Variants in SGCD observed in about 807,000 individuals in gnomAD.
SGCD encodes sarcoglycan delta.
SGCD carries 18 observed loss-of-function variants against 36.6 expected under a neutral mutation model. The ratio of observed to expected loss-of-function variants is 0.49; its 90% confidence interval spans 0.34 to 0.73. SGCD has a LOEUF of 0.73. Ranked by LOEUF, SGCD falls within the 30% of genes least tolerant of loss-of-function variation. The pLI, the probability that SGCD is intolerant of heterozygous loss-of-function variation, is 0.01. For missense variants in SGCD, 387 were observed against 346.7 expected (o/e 1.12, Z -0.92); for synonymous variants, 133 against 130.6 (o/e 1.02, Z -0.12).
At chr5:156,428,028 T>C (rs549683388) in intron 3 of SGCD, among the ~76,000 whole-genome samples, 1 of 152,170 alleles carries the variant, frequency 6.6e-6, no homozygotes, top group East Asian at 1.9e-4. Flanking sequence ...TGGTTTTAAT[T>C]TTAAGGTGAT....
rs540725938 is a variant in SGCD at position 156,131,059 on chromosome 5, G to A, written c.-44+7040G>A. Reference sequence around the variant, plus strand: ...TCTGTATTTTTCTAATAATTATGGTGACATTAAAGTTAATAGCAAATATTA... The same window carrying A: ...TCTGTATTTTTCTAATAATTATGGTAACATTAAAGTTAATAGCAAATATTA... On this transcript the variant is annotated intron_variant, in intron 3 of 9. Transcript: ENST00000517913. Among the ~76,000 whole-genome samples, 11 of 152,236 alleles carry A rather than the reference G, an allele frequency of 7.2e-5. No homozygotes were observed. The East Asian group carries it at 2.1e-3, about 29-fold the overall frequency.
At chr5:156,493,215 T>C (rs1237033572) in intron 3 of SGCD, among the ~76,000 whole-genome samples, 1 of 152,148 alleles carries the variant, frequency 6.6e-6, no homozygotes, top group Admixed American at 6.5e-5. Context: ...ATCAAGCTAA[T>C]TAACATATCT....
the SGCD span, among the ~76,000 whole-genome samples, chr5:155,848,901 T>C: frequency 6.6e-6 from 1 of 152,214 alleles, no homozygotes; most frequent in African/African-American, 2.4e-5. Context: ...ATATATTCGG[T>C]AAATAATGAA....
rs145821042 is a variant in SGCD, at chr5:156,092,269, G to A, written c.-281-25609G>A. Among the ~76,000 whole-genome samples, 431 of 152,276 alleles carry A rather than the reference G, an allele frequency of 2.8e-3. 1 individual carries two copies. Among genetic ancestry groups the A allele is most frequent in the African/African-American group, 0.01 (421 of 41,562 alleles). On this transcript the variant is annotated intron_variant, in intron 1 of 9. Transcript: ENST00000517913. ...TTTGATGGCCAACTTTCTGTCAGTC[G>A]TTAGGCTCCTTTTGCCCTGCTTCAA...
chr5:156,639,606 C>T (rs32061), intron 6 of SGCD, among the ~76,000 whole-genome samples: 12,483 of 152,238 alleles, frequency 0.082, 679 homozygotes, highest in Non-Finnish European at 0.12. Flanking sequence ...TTCATTTCTT[C>T]ACCTTTTGCC....
intron 4 of SGCD, among the ~76,000 whole-genome samples, chr5:156,567,560 C>T (rs1738993896): frequency 6.6e-6 from 1 of 152,068 alleles, no homozygotes. Flanking sequence ...TTTCCTTTTG[C>T]CCAGGGAAGG....
Position 156,382,379 on chromosome 5 carries a change from C to T in SGCD, c.192+37702C>T, listed in dbSNP as rs990117142. 5.9e-5 allele frequency among the ~76,000 whole-genome samples: 9 copies of T among 152,228 alleles called. No individual in the cohort carries two copies. The East Asian group carries it at 1.7e-3, about 29-fold the overall frequency. Reference sequence around the variant, plus strand: ...GTCCATAAGGAATAAAAGCAAAAAGCCTATCAGGATATATACAAGCATAAG... The same window carrying T: ...GTCCATAAGGAATAAAAGCAAAAAGTCTATCAGGATATATACAAGCATAAG... On this transcript the variant is annotated intron_variant, in intron 3 of 8. Transcript: ENST00000337851.
chr5:156,222,171 C>A (rs935868313), intron 3 of SGCD, among the ~76,000 whole-genome samples: 3 of 152,030 alleles, frequency 2.0e-5, no homozygotes, highest in African/African-American at 7.2e-5. Flanking sequence ...AGCTCCCTGT[C>A]AGTGGAAATG....
the SGCD span, among the ~76,000 whole-genome samples, chr5:155,765,975 G>T: frequency 6.6e-6 from 1 of 152,060 alleles, no homozygotes; most frequent in Admixed American, 6.5e-5. Flanking sequence ...GAGTCCTAGA[G>T]CCAGATACAG....
At chr5:155,728,760 C>T in the SGCD span, among the ~76,000 whole-genome samples, 1 of 152,092 alleles carries the variant, frequency 6.6e-6, no homozygotes, top group Non-Finnish European at 1.5e-5. Context: ...CCCTGTGAGC[C>T]CCTCTCCCCG....
chr5:156,103,633 G>C (rs1015674479), intron 1 of SGCD, among the ~76,000 whole-genome samples: 2 of 151,920 alleles, frequency 1.3e-5, no homozygotes, highest in Admixed American at 1.3e-4. Context: ...CTAATTTGTT[G>C]GTTTCAGCCC....
At chr5:155,770,074 A>G in the SGCD span, among the ~76,000 whole-genome samples, 2 of 151,832 alleles carry the variant, frequency 1.3e-5, no homozygotes. Flanking sequence ...TTTCTCACGC[A>G]TTCATTCATA....
chr5:156,745,258 T>C (rs1756891712), intron 7 of SGCD, among the ~76,000 whole-genome samples: 1 of 152,198 alleles, frequency 6.6e-6, no homozygotes, highest in Admixed American at 6.5e-5. Context: ...GGAAATTGCC[T>C]GTCTTGAACC....
intron 3 of SGCD, among the ~76,000 whole-genome samples, chr5:156,437,770 T>G (rs1475043922): frequency 1.3e-5 from 2 of 152,160 alleles, no homozygotes; most frequent in African/African-American, 4.8e-5. Flanking sequence ...GAAGAGGAGA[T>G]AGCTAGTGTC....
At chr5:155,949,661 C>A (rs1459882600) in intron 1 of SGCD, among the ~76,000 whole-genome samples, 1 of 152,116 alleles carries the variant, frequency 6.6e-6, no homozygotes, top group African/African-American at 2.4e-5. Context: ...ACATGAAATT[C>A]ATATTTCAGT....
intron 4 of SGCD, among the ~76,000 whole-genome samples, chr5:156,535,553 A>T (rs567121471): frequency 1.9e-4 from 29 of 152,282 alleles, no homozygotes; most frequent in Non-Finnish European, 3.4e-4. Context: ...AGGCCAAAGG[A>T]AGTTCTTTAT....
At chr5:156,738,135 T>A (rs1756472039) in intron 7 of SGCD, among the ~76,000 whole-genome samples, 1 of 152,202 alleles carries the variant, frequency 6.6e-6, no homozygotes, top group African/African-American at 2.4e-5. Flanking sequence ...TAGGTCTTAT[T>A]GGGAAGACTT....
At chr5:156,015,910 T>C (rs986864652) in intron 1 of SGCD, among the ~76,000 whole-genome samples, 1 of 150,350 alleles carries the variant, frequency 6.7e-6, no homozygotes, top group South Asian at 2.1e-4. Context: ...TTTATATATA[T>C]ATATATATCA....
intron 1 of SGCD, among the ~76,000 whole-genome samples, chr5:155,928,668 A>C (rs1757040691): frequency 2.2e-5 from 1 of 45,178 alleles, no homozygotes. Flanking sequence ...CTCTGTCTCA[A>C]AAAAAAAAAA....
Sources: gnomAD v4.1 joint callset for allele counts (sites outside exome capture counted in the v4.1 genomes callset) on GRCh38, gnomAD v4.1.1 for gene constraint, MANE v1.5 for transcripts, NCBI Gene and HGNC (gene_info 2026-07-23, HGNC 2026-07-21) for gene names.